DHX57: variants seen among roughly 807,000 people sequenced by gnomAD.
The protein encoded by DHX57 is putative ATP-dependent RNA helicase DHX57.
DHX57 carries 105 observed loss-of-function variants against 156.2 expected under a neutral mutation model. That is an observed-to-expected ratio of 0.67 (90% CI 0.57 to 0.79). The LOEUF is 0.79. Among genes scored for constraint, DHX57 ranks in the 30% least tolerant of loss-of-function variants. The probability of loss-of-function intolerance (pLI) is 0.00; values close to 1 mark genes in which losing one functional copy is unlikely to be tolerated. For synonymous variants in DHX57, 704 were observed against 595.6 expected, an observed-to-expected ratio of 1.18 and a Z score of -2.65; for missense variants, 1,847 against 1,661.9, an observed-to-expected ratio of 1.11 and a Z score of -1.94.
At position 38,868,092 on chromosome 2, in the gene DHX57, G is replaced by A. The variant is rs115566452; in HGVS notation, c.224+90C>T. On this transcript the variant is annotated intron_variant, in intron 2 of 23. Coordinates refer to ENST00000457308, the MANE Select transcript of DHX57 (RefSeq NM_198963.3). ...GAAGACAATTTGACCAGAATTACTC[G>A]ACTTTTTTTCCATTCTCAGCCATCT... is the stretch of plus-strand genomic sequence containing the variant. 947 of 1,494,086 alleles carry A rather than the reference G, an allele frequency of 6.3e-4. 7 individuals are homozygous for A. The African/African-American group carries it at 9.8e-3, about 16-fold the overall frequency. 92.6% of individuals were successfully genotyped at this position (1,494,086 alleles called of 1,614,324 possible).
chr2:38,837,275 A>C (rs1170246545), intron 13 of DHX57, among the ~76,000 whole-genome samples: 3 of 152,154 alleles, frequency 2.0e-5, no homozygotes, highest in Non-Finnish European at 4.4e-5. Flanking sequence ...AACAGGATTT[A>C]TTACTGTCTT....
intron 3 of DHX57, chr2:38,862,597 C>CTTT (rs1224828659): frequency 2.7e-4 from 48 of 179,804 alleles, no homozygotes; most frequent in East Asian, 7.3e-4. Context: ...CTGGAATGTC[C>CTTT]TTTTTTTTTT....
intron 17 of DHX57, among the ~76,000 whole-genome samples, chr2:38,820,570 C>T (rs1670759907): frequency 6.6e-6 from 1 of 152,136 alleles, no homozygotes; most frequent in South Asian, 2.1e-4. Flanking sequence ...TATGTCACCT[C>T]TTCTGGTCCT....
intron 21 of DHX57, among the ~76,000 whole-genome samples, chr2:38,807,704 A>G (rs976436478): frequency 2.7e-5 from 4 of 146,388 alleles, no homozygotes; most frequent in African/African-American, 7.6e-5. Flanking sequence ...CTGGAGTGCA[A>G]CGGTGCAATC....
At position 38,858,780 on chromosome 2, in the gene DHX57, T is replaced by C. The variant is rs778388614; in HGVS notation, c.1468A>G (p.Ile490Val). 1.9e-6 allele frequency: 3 copies of C among 1,614,144 alleles called. No individual in the cohort carries two copies. Among genetic ancestry groups the C allele is most frequent in the Non-Finnish European group, 1.7e-6 (2 of 1,180,014 alleles). Residue 490 changes from isoleucine to valine, a missense_variant, in exon 6 of 24, where the codon ATA (isoleucine) becomes GTA (valine). Physicochemically the swap from Ile to Val is conservative, Grantham distance 29. Transcript: ENST00000457308. The part of the protein sequence containing the change: ...SDEDDGPAPV[I>V]VENESYVNLK... The stretch of plus-strand genomic sequence containing the variant: ...TTCACATAGCTTTCATTCTCTACTA[T>C]AACAGGTGCAGGACCGTCATCCTCA...
intron 13 of DHX57, among the ~76,000 whole-genome samples, chr2:38,836,416 A>G (rs1166696529): frequency 1.3e-5 from 2 of 151,880 alleles, no homozygotes; most frequent in African/African-American, 2.4e-5. Flanking sequence ...TAGTAAATAT[A>G]TTTTCTCTTC....
intron 16 of DHX57, 112 bp downstream of exon 16, chr2:38,825,735 G>C: frequency 9.8e-7 from 1 of 1,018,048 alleles, no homozygotes; most frequent in Non-Finnish European, 1.5e-6. Context: ...TGAGATTATT[G>C]GTGGTCATTC....
At position 38,861,074 on chromosome 2, in the gene DHX57, T is replaced by C; in HGVS notation, c.1336A>G (p.Thr446Ala). The C allele has an allele frequency of 6.2e-7, 1 of 1,614,218 alleles. No homozygotes were observed. Among genetic ancestry groups the C allele is most frequent in the Non-Finnish European group, 8.5e-7 (1 of 1,180,030 alleles). Residue 446 changes from threonine (T) to alanine (A), a missense_variant, in exon 5 of 24, where the codon ACC (threonine) becomes GCC (alanine). By Grantham distance (58) the Thr-to-Ala change is moderately conservative. Transcript: ENST00000457308. ...TGACAGGCAGGATTATTTATTCTGG[T>C]CCTAGAGGGTACTGGCAGAAAGTTC... ...PVNFLPVPSR[T>A]RINNPACHKT... is the part of the protein sequence containing the mutation.
chr2:38,855,014 A>G (rs772124778), intron 8 of DHX57, 43 bp downstream of exon 8: 22 of 1,613,100 alleles, frequency 1.4e-5, no homozygotes, highest in Non-Finnish European at 1.9e-5. Context: ...ATACCTAAAA[A>G]CCATAAATTT....
chr2:38,826,647 C>T lies in DHX57; in HGVS notation c.2682G>A (p.Glu894=). Residue 894 remains glutamate (E), a synonymous_variant, in exon 15 of 24, where the codon GAG becomes GAA. Transcript: ENST00000457308. ...HPLHSSLSSE[E]QQAVFVKPPA... is the part of the protein sequence containing the mutation. ...GAGGTTTTACAAACACAGCCTGCTG[C>T]TCTTCACTGGATAAAGATGAATGAA... 3 of 1,614,156 alleles carry T rather than the reference C, an allele frequency of 1.9e-6. No homozygotes were observed. The highest frequency in any genetic ancestry group is 2.2e-5 in the East Asian group (1 of 44,882).
In DHX57 at chr2:38,861,181, G is replaced by T; in HGVS notation, c.1229C>A (p.Ser410Tyr). The stretch of plus-strand genomic sequence containing the variant: ...CTCTTCCTCTAAAAGGGTTATCAAA[G>T]AATATACGACAGGTTCCGAAGTTTC... ...FAETSEPVVY[S>Y]LITLLEEESE... The change falls in exon 5 of 24, where the codon TCT (serine) becomes TAT (tyrosine). Residue 410 changes from serine (S) to tyrosine (Y), a missense_variant. Ser to Tyr is a moderately radical substitution (Grantham distance 144). Transcript: ENST00000457308. 6.2e-7 allele frequency: 1 copy of T among 1,614,060 alleles called. No individual in the cohort carries two copies. Among genetic ancestry groups the T allele is most frequent in the Non-Finnish European group, 8.5e-7 (1 of 1,180,018 alleles).
intron 9 of DHX57, chr2:38,853,095 G>C (rs918399704): frequency 8.1e-6 from 1 of 123,406 alleles, no homozygotes; most frequent in Admixed American, 9.0e-5. Context: ...TTGCTTTCTT[G>C]ACCAGGGTGG....
intron 2 of DHX57, chr2:38,867,328 A>T (rs967245597): frequency 3.3e-5 from 5 of 152,260 alleles, no homozygotes; most frequent in African/African-American, 9.6e-5. Context: ...AATTGTAGTT[A>T]TACTGTATAA....
chr2:38,861,131 T>G lies in DHX57; in HGVS notation c.1279A>C (p.Asn427His), dbSNP rs1310072891. ...GGGTCACTATACTTGTGGTGGGTAT[T>G]CGTTAGTAACTTGACTATTTCCGAC... is the stretch of plus-strand genomic sequence containing the variant. ...EESEIVKLLT[N>H]THHKYSDPPV... Residue 427 changes from asparagine to histidine, a missense_variant, in exon 5 of 24, where the codon AAT becomes CAT. Coordinates refer to ENST00000457308, the MANE Select transcript of DHX57 (RefSeq NM_198963.3). 1 of 1,614,228 alleles carries G rather than the reference T, an allele frequency of 6.2e-7. No homozygotes were observed.
chr2:38,850,971 G>C (rs1313523857), intron 9 of DHX57, among the ~76,000 whole-genome samples: 1 of 152,122 alleles, frequency 6.6e-6, no homozygotes, highest in Non-Finnish European at 1.5e-5. Context: ...CGGCTACTTG[G>C]GAGGCCGAGG....
At chr2:38,800,525 AC>A (rs1669633972) in intron 23 of DHX57, among the ~76,000 whole-genome samples, 1 of 152,070 alleles carries the variant, frequency 6.6e-6, no homozygotes, top group Non-Finnish European at 1.5e-5. Context: ...TACAGTTCGG[AC>A]CCTGCTCTAA....
intron 1 of DHX57, among the ~76,000 whole-genome samples, chr2:38,872,372 T>C (rs977079319): frequency 6.6e-6 from 1 of 152,202 alleles, no homozygotes; most frequent in African/African-American, 2.4e-5. Flanking sequence ...TTAGATGTAA[T>C]TCTCAGTATA....
chr2:38,864,960 T>C (rs542309781), intron 2 of DHX57, among the ~76,000 whole-genome samples: 4 of 152,328 alleles, frequency 2.6e-5, no homozygotes, highest in Admixed American at 1.3e-4. Context: ...GAAGCATTTT[T>C]CCACAAATGT....
In DHX57 at chr2:38,819,057, C is replaced by CTTG. The variant is rs1367187974; in HGVS notation, c.3376_3378dup (p.Gln1126dup). ...TTAGGTTATATACTTACCTTATACG[C>CTTG]TTGTAGAAGGGCCAGATAATCACTG... On this transcript the variant is annotated inframe_insertion, in exon 18 of 24. Transcript: ENST00000457308. 1.9e-6 allele frequency: 3 copies of CTTG among 1,614,000 alleles called. No individual in the cohort carries two copies. The African/African-American group carries it at 4.0e-5, about 22-fold the overall frequency.
Sources: allele counts gnomAD v4.1 joint callset (sites outside exome capture counted in the v4.1 genomes callset), GRCh38; gene constraint gnomAD v4.1.1; transcripts MANE v1.5; gene names NCBI Gene and HGNC (gene_info 2026-07-23, HGNC 2026-07-21).